The following EGFR variants were observed in gnomAD, a reference collection of about 807,000 sequenced individuals.
EGFR encodes the protein avian erythroblastic leukemia viral (v-erb-b) oncogene homolog.
In EGFR, 58 loss-of-function variants were observed where a neutral mutation model predicts 143.0. The observed-to-expected ratio is 0.41, with a 90% CI of 0.33 to 0.50. EGFR has a LOEUF of 0.50. Among genes scored for constraint, EGFR ranks in the 20% least tolerant of loss-of-function variants. The probability of loss-of-function intolerance (pLI) is 0.39; values close to 1 mark genes in which losing one functional copy is unlikely to be tolerated. For synonymous variants in EGFR, 613 were observed against 594.4 expected (o/e 1.03, Z -0.45); for missense variants, 1,307 against 1,579.0 (o/e 0.83, Z 2.92).
At position 55,157,672 on chromosome 7, in the gene EGFR, T is replaced by A. The variant is rs1230904747; in HGVS notation, c.1217T>A (p.Leu406Gln). ...TTCATCTGCCTTACAGGGTTTTTGC[T>A]GATTCAGGCTTGGCCTGAAAACAGG... The part of the protein sequence containing the change: ...KTVKEITGFL[L>Q]IQAWPENRTD... The change falls in exon 11 of 28, where the codon CTG (leucine) becomes CAG (glutamine). Residue 406 changes from leucine (L) to glutamine (Q), a missense_variant. Leu to Gln is a moderately radical substitution (Grantham distance 113, BLOSUM62 -2). This residue lies in a region of EGFR where 250 missense variants were observed against 295.1 expected (regional missense o/e 0.85). Coordinates refer to ENST00000275493, the MANE Select transcript of EGFR (RefSeq NM_005228.5). The A allele has an allele frequency of 1.2e-6, 2 of 1,614,116 alleles. No individual in the cohort carries two copies. The highest frequency in any genetic ancestry group is 1.7e-6 in the Non-Finnish European group (2 of 1,180,038).
chr7:55,089,205 G>A (rs796783497), intron 1 of EGFR, among the ~76,000 whole-genome samples: 11 of 151,986 alleles, frequency 7.2e-5, no homozygotes, highest in Admixed American at 6.5e-5. Flanking sequence ...ACTGAAGTAC[G>A]TGTAAGTCAG....
At chr7:55,111,301 A>G (rs1442498879) in intron 1 of EGFR, among the ~76,000 whole-genome samples, 2 of 151,696 alleles carry the variant, frequency 1.3e-5, no homozygotes, top group East Asian at 3.9e-4. Flanking sequence ...ATGATTTGCA[A>G]TCCACAGTAA....
At position 55,128,537 on chromosome 7, in the gene EGFR, C is replaced by T. The variant is rs939262179; in HGVS notation, c.89-13749C>T. On this transcript the variant is annotated intron_variant, in intron 1 of 27. Coordinates refer to ENST00000275493, the MANE Select transcript of EGFR (RefSeq NM_005228.5). ...AAGTAGGAATTTTTTAAAGAATATACGACGTGTGTTCTGTGACTCACCCCT... is the reference window on the plus strand; with the variant it reads ...AAGTAGGAATTTTTTAAAGAATATATGACGTGTGTTCTGTGACTCACCCCT... 5.3e-5 allele frequency among the ~76,000 whole-genome samples: 8 copies of T among 152,268 alleles called. No individual in the cohort carries two copies. The East Asian group carries it at 7.7e-4, about 15-fold the overall frequency.
rs542577066 is a variant in EGFR at position 55,123,262 on chromosome 7, G to A, written c.89-19024G>A. ...ATAGTACGTTTCAGATTAACTCAAG[G>A]TATTGTGGTGATATTGCGGTCAAAG... On this transcript the variant is annotated intron_variant, in intron 1 of 27. Coordinates refer to ENST00000275493, the MANE Select transcript of EGFR (RefSeq NM_005228.5). 2.4e-4 allele frequency among the ~76,000 whole-genome samples: 37 copies of A among 152,246 alleles called. 1 individual carries two copies. The highest frequency in any genetic ancestry group is 8.9e-4 in the African/African-American group (37 of 41,558).
intron 1 of EGFR, among the ~76,000 whole-genome samples, chr7:55,088,288 G>T (rs1182730279): frequency 1.3e-5 from 2 of 152,184 alleles, no homozygotes; most frequent in Non-Finnish European, 2.9e-5. Context: ...GGCCCCCTTC[G>T]CACAAAGAGC....
chr7:55,110,306 G>A (rs1050337368), intron 1 of EGFR, among the ~76,000 whole-genome samples: 7 of 152,038 alleles, frequency 4.6e-5, no homozygotes, highest in African/African-American at 1.7e-4. Context: ...AGAGAAAAGG[G>A]GTCTCTGCAG....
intron 1 of EGFR, among the ~76,000 whole-genome samples, chr7:55,108,845 A>C (rs959254058): frequency 6.6e-6 from 1 of 152,230 alleles, no homozygotes; most frequent in African/African-American, 2.4e-5. Flanking sequence ...GTTTGACTTC[A>C]TGTGCAACTT....
At chr7:55,073,797 A>G (rs1789976340) in intron 1 of EGFR, among the ~76,000 whole-genome samples, 1 of 152,234 alleles carries the variant, frequency 6.6e-6, no homozygotes, top group Non-Finnish European at 1.5e-5. Context: ...AGGAAAACAG[A>G]AAACCAGCGT....
intron 1 of EGFR, among the ~76,000 whole-genome samples, chr7:55,037,649 T>G (rs904665419): frequency 6.6e-6 from 1 of 152,108 alleles, no homozygotes; most frequent in African/African-American, 2.4e-5. Flanking sequence ...CCTTGAAAAA[T>G]CTTTATAGTC....
chr7:55,144,700 T>C (rs1794662548), intron 3 of EGFR, among the ~76,000 whole-genome samples: 1 of 152,074 alleles, frequency 6.6e-6, no homozygotes, highest in Non-Finnish European at 1.5e-5. Context: ...TGAGATGGCC[T>C]GGTACACCGG....
At chr7:55,131,545 G>A (rs149614998) in intron 1 of EGFR, among the ~76,000 whole-genome samples, 22 of 152,344 alleles carry the variant, frequency 1.4e-4, no homozygotes, top group African/African-American at 5.1e-4. Context: ...CACCATGCGA[G>A]CTTAGACCTT....
chr7:55,022,911 C>T (rs1275198345), intron 1 of EGFR, among the ~76,000 whole-genome samples: 1 of 152,232 alleles, frequency 6.6e-6, no homozygotes, highest in African/African-American at 2.4e-5. Context: ...GAAGTAGTCT[C>T]AGCAAAGATG....
chr7:55,099,215 C>CT, intron 1 of EGFR, among the ~76,000 whole-genome samples: 1 of 152,334 alleles, frequency 6.6e-6, no homozygotes, highest in South Asian at 2.1e-4. Context: ...GCCCAGAATG[C>CT]TACAAAGACT....
chr7:55,180,789 C>G (rs1384142688), intron 19 of EGFR: 3 of 179,674 alleles, frequency 1.7e-5, no homozygotes, highest in Non-Finnish European at 3.6e-5. Flanking sequence ...TGGCTCGGTG[C>G]TCCCCGGATG....
chr7:55,205,201 T>C (rs2128974969), intron 27 of EGFR, 55 bp from the exon 28 acceptor site: 1 of 1,605,782 alleles, frequency 6.2e-7, no homozygotes, highest in South Asian at 1.1e-5. Context: ...CCAGGGATCC[T>C]GCATGGGATG....
chr7:55,050,825 C>A (rs1438408870), intron 1 of EGFR, among the ~76,000 whole-genome samples: 5 of 152,276 alleles, frequency 3.3e-5, no homozygotes, highest in Middle Eastern at 3.4e-3. Flanking sequence ...AAATAAAAAA[C>A]CCAAAAAACC....
At chr7:55,058,520 T>C (rs1423650514) in intron 1 of EGFR, among the ~76,000 whole-genome samples, 1 of 152,130 alleles carries the variant, frequency 6.6e-6, no homozygotes, top group Non-Finnish European at 1.5e-5. Context: ...CGAAATACTA[T>C]GCAGCCATAA....
At chr7:55,037,522 G>A (rs973641814) in intron 1 of EGFR, among the ~76,000 whole-genome samples, 13 of 152,266 alleles carry the variant, frequency 8.5e-5, no homozygotes, top group African/African-American at 2.9e-4. Context: ...TTCCGCACGC[G>A]GTGTCTCATT....
intron 1 of EGFR, among the ~76,000 whole-genome samples, chr7:55,133,694 G>A (rs1035762286): frequency 5.9e-5 from 9 of 152,218 alleles, no homozygotes; most frequent in South Asian, 2.1e-4. Context: ...GCTCCCCAGC[G>A]AGCCAGGAAG....
Sources: allele counts gnomAD v4.1 joint callset (sites outside exome capture counted in the v4.1 genomes callset), GRCh38; gene constraint gnomAD v4.1.1; regional missense constraint gnomAD v4.1.1; transcripts MANE v1.5; gene names NCBI Gene and HGNC (gene_info 2026-07-23, HGNC 2026-07-21).